PTPRD: variants seen among roughly 807,000 people sequenced by gnomAD.
The protein encoded by PTPRD is protein tyrosine phosphatase receptor type D, also known as receptor-type tyrosine-protein phosphatase delta.
PTPRD carries 34 observed loss-of-function variants against 214.5 expected under a neutral mutation model. The observed-to-expected ratio is 0.16, with a 90% CI of 0.12 to 0.21. The LOEUF (loss-of-function observed/expected upper bound fraction) is 0.21, where lower values mean the gene tolerates loss of function less well. Among genes scored for constraint, PTPRD ranks in the 10% least tolerant of loss-of-function variants. The probability of loss-of-function intolerance (pLI) is 1.00; values close to 1 mark genes in which losing one functional copy is unlikely to be tolerated. For missense variants in PTPRD, 2,545 were observed against 2,398.7 expected, an observed-to-expected ratio of 1.06 and a Z score of -1.27; for synonymous variants, 1,128 against 845.7, an observed-to-expected ratio of 1.33 and a Z score of -5.79.
chr9:9,461,774 C>T (rs1354562195), intron 8 of PTPRD, among the ~76,000 whole-genome samples: 1 of 152,090 alleles, frequency 6.6e-6, no homozygotes, highest in African/African-American at 2.4e-5. Context: ...AGAGTGAAGG[C>T]ATTTGGATGT....
chr9:8,445,370 A>T (rs1245972305), intron 34 of PTPRD, among the ~76,000 whole-genome samples: 1 of 152,186 alleles, frequency 6.6e-6, no homozygotes, highest in African/African-American at 2.4e-5. Context: ...AGACACTTAC[A>T]ATCAATCATG....
intron 2 of PTPRD, among the ~76,000 whole-genome samples, chr9:10,458,997 C>T (rs553335949): frequency 6.6e-5 from 10 of 152,148 alleles, no homozygotes; most frequent in African/African-American, 2.2e-4. Context: ...TTTGCTGCAC[C>T]TATCAACCCG....
Position 8,988,105 on chromosome 9 carries a change from A to G in PTPRD, c.-104+30592T>C, listed in dbSNP as rs76936343. On this transcript the variant is annotated intron_variant, in intron 11 of 45. Transcript: ENST00000381196. ...TGCTTCCCAAGAATAGTACAGGTAT[A>G]TGACAGCTAAGATAGGAAGGCATTT... 6.6e-5 allele frequency among the ~76,000 whole-genome samples: 10 copies of G among 152,200 alleles called. No individual in the cohort carries two copies. The East Asian group carries it at 7.7e-4, about 12-fold the overall frequency.
rs1311395091 is a variant in PTPRD, at chr9:8,499,656, A to C, written c.2313T>G (p.Ala771=). 3 of 1,613,156 alleles carry C rather than the reference A, an allele frequency of 1.9e-6. No homozygotes were observed. Among genetic ancestry groups the C allele is most frequent in the African/African-American group, 2.7e-5 (2 of 74,900 alleles). The change falls in exon 25 of 46, where the codon GCT becomes GCG. Residue 771 remains alanine (A), a synonymous_variant. Coordinates refer to ENST00000381196, the MANE Select transcript of PTPRD (RefSeq NM_002839.4). ...AATTTCAGAGGCTTACCTGTGCATC[A>C]GCCAGCATGACATCTTTCAGCATGG... ...GQPMLKDVML[A]DAQWEFDDTT...
At chr9:8,986,913 G>A (rs1192787444) in intron 11 of PTPRD, among the ~76,000 whole-genome samples, 1 of 151,994 alleles carries the variant, frequency 6.6e-6, no homozygotes, top group Admixed American at 6.6e-5. Context: ...ACAATTGTCT[G>A]TCTCTGAGGA....
At chr9:8,751,965 A>C (rs2093579645) in intron 11 of PTPRD, among the ~76,000 whole-genome samples, 1 of 152,156 alleles carries the variant, frequency 6.6e-6, no homozygotes, top group Non-Finnish European at 1.5e-5. Context: ...AAAGAATGGG[A>C]CAAAAGCAAC....
chr9:9,611,079 C>T (rs1279911477), intron 7 of PTPRD, among the ~76,000 whole-genome samples: 1 of 152,126 alleles, frequency 6.6e-6, no homozygotes, highest in Admixed American at 6.5e-5. Context: ...TAAACATCGT[C>T]CTCTATCATT....
At chr9:8,829,663 C>T (rs1196075690) in intron 11 of PTPRD, among the ~76,000 whole-genome samples, 2 of 152,090 alleles carry the variant, frequency 1.3e-5, no homozygotes, top group African/African-American at 4.8e-5. Context: ...CTCCTGGGAG[C>T]TCGGTTACTA....
At chr9:9,701,799 C>A (rs1295357138) in intron 7 of PTPRD, among the ~76,000 whole-genome samples, 1 of 152,114 alleles carries the variant, frequency 6.6e-6, no homozygotes, top group Non-Finnish European at 1.5e-5. Flanking sequence ...ATGAAGCTTT[C>A]TATATAAACT....
At chr9:9,944,667 C>T (rs1362092390) in intron 4 of PTPRD, among the ~76,000 whole-genome samples, 1 of 151,326 alleles carries the variant, frequency 6.6e-6, no homozygotes, top group Non-Finnish European at 1.5e-5. Flanking sequence ...AGAGAGCATA[C>T]ATAGATTGCT....
At chr9:9,016,261 C>T (rs1474512720) in intron 11 of PTPRD, among the ~76,000 whole-genome samples, 4 of 152,032 alleles carry the variant, frequency 2.6e-5, no homozygotes, top group East Asian at 1.9e-4. Flanking sequence ...ACAATTTTCC[C>T]CCAAATAGTT....
chr9:9,230,021 A>G (rs1056895348), intron 9 of PTPRD, among the ~76,000 whole-genome samples: 3 of 152,166 alleles, frequency 2.0e-5, no homozygotes, highest in African/African-American at 7.2e-5. Context: ...AGTAATAGCA[A>G]TAGATTCATC....
chr9:10,196,357 T>C (rs997984976), intron 3 of PTPRD, among the ~76,000 whole-genome samples: 1 of 152,144 alleles, frequency 6.6e-6, no homozygotes, highest in African/African-American at 2.4e-5. Context: ...TTTGTCAATA[T>C]ATGTAAAGTG....
chr9:8,546,186 T>C (rs1158101558), intron 14 of PTPRD, among the ~76,000 whole-genome samples: 1 of 152,212 alleles, frequency 6.6e-6, no homozygotes, highest in Non-Finnish European at 1.5e-5. Flanking sequence ...GCTGAAGTTA[T>C]GCAATTTCAT....
At chr9:9,838,927 T>C (rs972488018) in intron 5 of PTPRD, among the ~76,000 whole-genome samples, 1 of 152,160 alleles carries the variant, frequency 6.6e-6, no homozygotes, top group African/African-American at 2.4e-5. Flanking sequence ...TTAATCCATC[T>C]TGAATTAATT....
rs57163716 is a variant in PTPRD at position 9,575,252 on chromosome 9, G to A, written c.-286-471C>T. Among the ~76,000 whole-genome samples the A allele has an allele frequency of 4.7e-3, 719 of 151,916 alleles. 5 individuals carry two copies. The highest frequency in any genetic ancestry group is 0.016 in the African/African-American group (682 of 41,428). On this transcript the variant is annotated intron_variant, in intron 7 of 45. Transcript: ENST00000381196. ...TTTAATCACTAATAAATAACTATCC[G>A]TGATATATTCTATAAAGTATGTAAT...
intron 7 of PTPRD, among the ~76,000 whole-genome samples, chr9:9,637,540 T>C (rs1593767530): frequency 1.3e-5 from 2 of 152,324 alleles, no homozygotes; most frequent in Middle Eastern, 6.8e-3. Context: ...TTACACACCT[T>C]CCTGGTACAC....
At position 8,456,456 on chromosome 9, in the gene PTPRD, G is replaced by C. The variant is rs983824634; in HGVS notation, c.3875+3955C>G. Among the ~76,000 whole-genome samples, 8 of 152,222 alleles carry C rather than the reference G, an allele frequency of 5.3e-5. No individual in the cohort carries two copies. In the South Asian group the frequency reaches 1.7e-3, roughly 32 times the overall value. ...CCAAGCCAAAAGGAGTGGCAGGGGA[G>C]TGACAGGAAAGGCATTCCTAACCTA... On this transcript the variant is annotated intron_variant, in intron 33 of 45. Coordinates refer to ENST00000381196, the MANE Select transcript of PTPRD (RefSeq NM_002839.4).
intron 5 of PTPRD, among the ~76,000 whole-genome samples, chr9:9,876,075 G>T (rs528239536): frequency 6.6e-6 from 1 of 152,212 alleles, no homozygotes; most frequent in African/African-American, 2.4e-5. Context: ...TTGGAAGGAA[G>T]GGAGGAAGAT....
Sources: gnomAD v4.1 joint callset for allele counts (sites outside exome capture counted in the v4.1 genomes callset) on GRCh38, gnomAD v4.1.1 for gene constraint, MANE v1.5 for transcripts, NCBI Gene and HGNC (gene_info 2026-07-23, HGNC 2026-07-21) for gene names.